The following NCK2 variants were observed in gnomAD, a reference collection of about 807,000 sequenced individuals.
NCK2 encodes NCK adaptor protein 2.
NCK2 carries 16 observed loss-of-function variants against 33.9 expected under a neutral mutation model. The observed-to-expected ratio is 0.47, with a 90% CI of 0.32 to 0.72. NCK2 has a LOEUF of 0.72. Among genes scored for constraint, NCK2 ranks in the 30% least tolerant of loss-of-function variants. The pLI, the probability that NCK2 is intolerant of heterozygous loss-of-function variation, is 0.03. For missense variants in NCK2, 418 were observed against 537.3 expected (o/e 0.78, Z 2.19); for synonymous variants, 273 against 239.9 (o/e 1.14, Z -1.27).
intron 1 of NCK2, among the ~76,000 whole-genome samples, chr2:105,747,360 A>G (rs1689319043): frequency 6.6e-6 from 1 of 152,138 alleles, no homozygotes; most frequent in Admixed American, 6.5e-5. Flanking sequence ...AAAATACCCT[A>G]AGACTCCCGG....
intron 3 of NCK2, 46 bp downstream of exon 3, chr2:105,855,335 G>A: frequency 2.1e-6 from 3 of 1,411,412 alleles, no homozygotes; most frequent in Non-Finnish European, 1.9e-6. Flanking sequence ...CATTTCAAGG[G>A]ACACTGTTCG....
chr2:105,859,319 A>G (rs1273258472), intron 3 of NCK2, among the ~76,000 whole-genome samples: 2 of 152,106 alleles, frequency 1.3e-5, no homozygotes, highest in Admixed American at 6.5e-5. Flanking sequence ...TTACGGTTCC[A>G]TTTACAACCT....
intron 1 of NCK2, among the ~76,000 whole-genome samples, chr2:105,751,800 G>A (rs1240935583): frequency 2.6e-5 from 4 of 152,084 alleles, no homozygotes; most frequent in Non-Finnish European, 5.9e-5. Flanking sequence ...GTTTTAATAT[G>A]GACTGTCTCC....
At chr2:105,778,248 G>A (rs1020259149) in intron 1 of NCK2, among the ~76,000 whole-genome samples, 2 of 152,210 alleles carry the variant, frequency 1.3e-5, no homozygotes, top group African/African-American at 2.4e-5. Context: ...CAGACTGGCC[G>A]TCCCTATCCC....
At chr2:105,793,568 C>A (rs540956423) in intron 1 of NCK2, among the ~76,000 whole-genome samples, 1 of 152,340 alleles carries the variant, frequency 6.6e-6, no homozygotes, top group African/African-American at 2.4e-5. Context: ...GTAAATAGTT[C>A]TGGTTCCCCA....
intron 4 of NCK2, among the ~76,000 whole-genome samples, chr2:105,886,904 TA>T (rs1678743467): frequency 6.6e-6 from 1 of 152,190 alleles, no homozygotes; most frequent in Non-Finnish European, 1.5e-5. Flanking sequence ...TTTATGTAAA[TA>T]AGATTACTTC....
At chr2:105,854,983 T>A in intron 2 of NCK2, 65 bp from the exon 3 acceptor site, 1 of 1,254,644 alleles carries the variant, frequency 8.0e-7, no homozygotes, top group Non-Finnish European at 1.1e-6. Flanking sequence ...ATTTTTCAAG[T>A]TGGTGCAAAG....
intron 1 of NCK2, among the ~76,000 whole-genome samples, chr2:105,763,292 C>T (rs1200037320): frequency 6.6e-6 from 1 of 152,190 alleles, no homozygotes; most frequent in African/African-American, 2.4e-5. Flanking sequence ...GACCAGGTGT[C>T]ACTGCGTCCT....
At chr2:105,858,649 C>T (rs1316425030) in intron 3 of NCK2, among the ~76,000 whole-genome samples, 2 of 152,168 alleles carry the variant, frequency 1.3e-5, no homozygotes, top group Non-Finnish European at 2.9e-5. Flanking sequence ...TGTAGATTAC[C>T]CTAACTCTGT....
chr2:105,849,714 A>C (rs889949314), intron 2 of NCK2, among the ~76,000 whole-genome samples: 6 of 152,134 alleles, frequency 3.9e-5, no homozygotes, highest in African/African-American at 1.4e-4. Flanking sequence ...CACTGGCTTG[A>C]ATCACAGAAG....
chr2:105,778,904 A>T (rs562832239), intron 1 of NCK2, among the ~76,000 whole-genome samples: 501 of 149,624 alleles, frequency 3.3e-3, no homozygotes, highest in Middle Eastern at 6.9e-3. Flanking sequence ...GATAATGGTT[A>T]TTTTTTTTTT....
chr2:105,880,983 G>C (rs377405377), intron 3 of NCK2, among the ~76,000 whole-genome samples: 1 of 134,226 alleles, frequency 7.5e-6, no homozygotes, highest in Admixed American at 9.1e-5. Context: ...ACACGGTCTC[G>C]CTATGTTGCT....
chr2:105,850,402 A>G (rs1217218989), intron 2 of NCK2, among the ~76,000 whole-genome samples: 1 of 152,108 alleles, frequency 6.6e-6, no homozygotes, highest in Non-Finnish European at 1.5e-5. Context: ...TACCTATCCT[A>G]TTTGTTTTTA....
intron 1 of NCK2, among the ~76,000 whole-genome samples, chr2:105,770,808 G>A (rs1182389985): frequency 1.7e-4 from 11 of 66,156 alleles, no homozygotes. Flanking sequence ...TCAGATCCAG[G>A]AAGTCATTTT....
At chr2:105,892,910 A>C in intron 4 of NCK2, 72 bp from the exon 5 acceptor site, 60 of 1,294,306 alleles carry the variant, frequency 4.6e-5, no homozygotes, top group Non-Finnish European at 5.7e-5. Context: ...TAGACGCACA[A>C]GAGATGTGGA....
At position 105,773,582 on chromosome 2, in the gene NCK2, A is replaced by G. The variant is rs566939708; in HGVS notation, c.-201+28444A>G. On this transcript the variant is annotated intron_variant, in intron 1 of 4. Transcript: ENST00000233154. ...CCTTCCCCTTCCCCAGTCCTCTGTC[A>G]GCACCCAATACCATAGTATCCCTTT... Among the ~76,000 whole-genome samples, 14 of 152,150 alleles carry G rather than the reference A, an allele frequency of 9.2e-5. No homozygotes were observed. The South Asian group carries it at 2.9e-3, about 32-fold the overall frequency.
intron 2 of NCK2, among the ~76,000 whole-genome samples, chr2:105,832,441 T>C (rs1176373619): frequency 6.6e-6 from 1 of 152,242 alleles, no homozygotes; most frequent in Non-Finnish European, 1.5e-5. Flanking sequence ...GCCTATTCAG[T>C]ATGATGTTAG....
chr2:105,768,899 G>A (rs1690035000), intron 1 of NCK2, among the ~76,000 whole-genome samples: 1 of 152,184 alleles, frequency 6.6e-6, no homozygotes, highest in Admixed American at 6.5e-5. Flanking sequence ...ATCCCAATGA[G>A]TTCATGACGT....
At chr2:105,751,229 A>C (rs1158952477) in intron 1 of NCK2, among the ~76,000 whole-genome samples, 3 of 151,918 alleles carry the variant, frequency 2.0e-5, no homozygotes, top group South Asian at 2.1e-4. Context: ...TCACCGACTC[A>C]CTCGGTTATC....
Sources: allele counts gnomAD v4.1 joint callset (sites outside exome capture counted in the v4.1 genomes callset), GRCh38; gene constraint gnomAD v4.1.1; transcripts MANE v1.5; gene names NCBI Gene and HGNC (gene_info 2026-07-23, HGNC 2026-07-21).